The following CDK14 variants were observed in gnomAD, a reference collection of about 807,000 sequenced individuals.
CDK14 encodes cyclin-dependent kinase 14.
In CDK14, 34 loss-of-function variants were observed where a neutral mutation model predicts 60.7. The observed-to-expected ratio is 0.56, with a 90% CI of 0.43 to 0.75. CDK14 has a LOEUF of 0.75. Among genes scored for constraint, CDK14 ranks in the 30% least tolerant of loss-of-function variants. CDK14 has a pLI of 0.00. For synonymous variants in CDK14, 197 were observed against 203.7 expected (o/e 0.97, Z 0.28); for missense variants, 482 against 564.1 (o/e 0.85, Z 1.47).
At chr7:91,159,780 A>T (rs1401511044) in intron 14 of CDK14, among the ~76,000 whole-genome samples, 1 of 152,170 alleles carries the variant, frequency 6.6e-6, no homozygotes, top group East Asian at 1.9e-4. Flanking sequence ...AGCCCAGGAC[A>T]GGAGGTTCCC....
intron 8 of CDK14, among the ~76,000 whole-genome samples, chr7:90,936,186 A>AT (rs1214558770): frequency 2.6e-5 from 4 of 152,032 alleles, no homozygotes; most frequent in Admixed American, 6.5e-5. Context: ...AAGTTGCTTT[A>AT]TTTTTTTAAC....
At chr7:90,880,745 G>A (rs1468083562) in intron 6 of CDK14, among the ~76,000 whole-genome samples, 1 of 152,094 alleles carries the variant, frequency 6.6e-6, no homozygotes, top group Non-Finnish European at 1.5e-5. Flanking sequence ...CAACTTTGCT[G>A]CTCTGCAGCC....
chr7:91,175,910 A>G (rs1584170835), intron 14 of CDK14, among the ~76,000 whole-genome samples: 1 of 149,900 alleles, frequency 6.7e-6, no homozygotes, highest in East Asian at 2.0e-4. Context: ...TGAGACAGAA[A>G]GTCAACAAGG....
At chr7:91,165,483 T>G (rs1040002375) in intron 14 of CDK14, among the ~76,000 whole-genome samples, 7 of 151,994 alleles carry the variant, frequency 4.6e-5, no homozygotes. Flanking sequence ...TTTTGTGGAA[T>G]GAGGAGAGAG....
At chr7:90,705,127 T>G (rs997272341) in intron 2 of CDK14, among the ~76,000 whole-genome samples, 1 of 151,610 alleles carries the variant, frequency 6.6e-6, no homozygotes. Context: ...TTCTGTTTTC[T>G]TTATTACTTT....
At chr7:90,744,006 CT>C (rs112154880) in intron 3 of CDK14, among the ~76,000 whole-genome samples, 1 of 149,426 alleles carries the variant, frequency 6.7e-6, no homozygotes, top group Admixed American at 6.7e-5. Context: ...TAACTTTATT[CT>C]TTTTTTTTAA....
intron 10 of CDK14, among the ~76,000 whole-genome samples, chr7:91,044,877 C>T (rs962281): frequency 0.13 from 20,415 of 152,170 alleles, 1,479 homozygotes; most frequent in Middle Eastern, 0.17. Context: ...CTCCCTGATC[C>T]GAACAGACCC....
rs1284455087 is a variant in CDK14, at chr7:90,608,626, G to T, written c.123+4377G>T. ...TTAGAATAAACCTTTGAAATGCAAAGAATTTCATATGTTTATGGCATATAA... is the reference window on the plus strand; with the variant it reads ...TTAGAATAAACCTTTGAAATGCAAATAATTTCATATGTTTATGGCATATAA... On this transcript the variant is annotated intron_variant, in intron 2 of 14. Transcript: ENST00000380050. 5 of 709,600 alleles carry T rather than the reference G, an allele frequency of 7.0e-6. No individual in the cohort carries two copies. The African/African-American group carries it at 7.7e-5, about 11-fold the overall frequency. The allele number at this position is 709,600 out of a possible 1,614,324, so 44.0% of individuals were successfully genotyped here.
chr7:90,811,769 A>G (rs1789129010), intron 5 of CDK14, among the ~76,000 whole-genome samples: 1 of 152,168 alleles, frequency 6.6e-6, no homozygotes, highest in Non-Finnish European at 1.5e-5. Context: ...ACAAATTTAC[A>G]AGAAAAAACA....
intron 2 of CDK14, among the ~76,000 whole-genome samples, chr7:90,677,911 T>G (rs142218665): frequency 9.8e-5 from 15 of 152,290 alleles, no homozygotes; most frequent in African/African-American, 3.6e-4. Flanking sequence ...CTGTCAGGAA[T>G]GGGTTAGGAT....
rs117360660 is a variant in CDK14, at chr7:91,172,829, C to T, written c.*29-34336C>T. Among the ~76,000 whole-genome samples the T allele has an allele frequency of 3.8e-3, 578 of 152,236 alleles. 37 individuals carry two copies. The East Asian group carries it at 0.098, about 26-fold the overall frequency. On this transcript the variant is annotated intron_variant, in intron 14 of 14. Transcript: ENST00000380050. ...GAGGTAATTGTTCTTCCTCTTTGAC[C>T]TTGTACCTTACTCTTTCACTCACAT...
intron 11 of CDK14, among the ~76,000 whole-genome samples, chr7:91,075,344 A>G (rs1404230889): frequency 6.6e-6 from 1 of 152,234 alleles, no homozygotes; most frequent in Non-Finnish European, 1.5e-5. Flanking sequence ...AATCCATCAT[A>G]TAAGCAGAAC....
At position 90,877,914 on chromosome 7, in the gene CDK14, C is replaced by T. The variant is rs181609593; in HGVS notation, c.639+14645C>T. On this transcript the variant is annotated intron_variant, in intron 6 of 14. Transcript: ENST00000380050. ...ACATGATCATTCTTGTTTGTCATCA[C>T]GACACCTGTATAAGATGAATGAGCT... Among the ~76,000 whole-genome samples, 229 of 152,184 alleles carry T rather than the reference C, an allele frequency of 1.5e-3. 2 individuals are homozygous for T. The highest frequency in any genetic ancestry group is 0.013 in the Admixed American group (205 of 15,294).
chr7:90,874,076 C>A (rs1791467858), intron 6 of CDK14, among the ~76,000 whole-genome samples: 1 of 152,160 alleles, frequency 6.6e-6, no homozygotes, highest in Admixed American at 6.5e-5. Context: ...TTCAGGGCCT[C>A]CCAGAGCATC....
intron 5 of CDK14, among the ~76,000 whole-genome samples, chr7:90,801,449 G>A (rs943442176): frequency 3.9e-5 from 6 of 152,160 alleles, no homozygotes; most frequent in African/African-American, 1.4e-4. Context: ...CTTGTGTGGA[G>A]ATAGATTACA....
intron 14 of CDK14, among the ~76,000 whole-genome samples, chr7:91,166,973 G>A (rs913727829): frequency 6.6e-6 from 1 of 152,192 alleles, no homozygotes; most frequent in Non-Finnish European, 1.5e-5. Context: ...GCAGAATTTT[G>A]AGAAGTAACC....
At chr7:91,104,559 G>A (rs1241092567) in intron 12 of CDK14, among the ~76,000 whole-genome samples, 2 of 152,038 alleles carry the variant, frequency 1.3e-5, no homozygotes. Context: ...TCAAAATGTA[G>A]AACCATCCAA....
At chr7:90,974,843 C>T (rs530990137) in intron 9 of CDK14, among the ~76,000 whole-genome samples, 4 of 152,172 alleles carry the variant, frequency 2.6e-5, no homozygotes, top group African/African-American at 9.6e-5. Flanking sequence ...ACCATAAAAT[C>T]CCAACAGGAC....
intron 6 of CDK14, among the ~76,000 whole-genome samples, chr7:90,875,280 T>G (rs1791518784): frequency 6.6e-6 from 1 of 152,258 alleles, no homozygotes; most frequent in African/African-American, 2.4e-5. Flanking sequence ...TGGGGTTTCT[T>G]TTCGCCTTTT....
Sources: gnomAD v4.1 joint callset for allele counts (sites outside exome capture counted in the v4.1 genomes callset) on GRCh38, gnomAD v4.1.1 for gene constraint, MANE v1.5 for transcripts, NCBI Gene and HGNC (gene_info 2026-07-23, HGNC 2026-07-21) for gene names.